Variants in HS6ST3 observed in about 807,000 individuals in gnomAD.
HS6ST3 encodes heparan sulfate 6-O-sulfotransferase 3, also known as heparan-sulfate 6-O-sulfotransferase 3.
A neutral mutation model predicts 36.7 loss-of-function variants in HS6ST3; 12 were observed. That is an observed-to-expected ratio of 0.33 (90% CI 0.21 to 0.53). The LOEUF (loss-of-function observed/expected upper bound fraction) is 0.53. Among genes scored for constraint, HS6ST3 ranks in the 20% least tolerant of loss-of-function variants. The pLI is 0.95. For missense variants in HS6ST3, 584 were observed against 640.9 expected, an observed-to-expected ratio of 0.91 and a Z score of 0.96; for synonymous variants, 240 against 257.5, an observed-to-expected ratio of 0.93 and a Z score of 0.65.
At chr13:96,101,227 A>G (rs1385186591) in intron 1 of HS6ST3, among the ~76,000 whole-genome samples, 2 of 152,176 alleles carry the variant, frequency 1.3e-5, no homozygotes, top group Non-Finnish European at 2.9e-5. Context: ...GTAGTTTGCA[A>G]AACTGGCTAT....
At chr13:96,385,197 A>G (rs1332758363) in intron 1 of HS6ST3, among the ~76,000 whole-genome samples, 1 of 149,582 alleles carries the variant, frequency 6.7e-6, no homozygotes, top group African/African-American at 2.4e-5. Flanking sequence ...AAAAAAAAAG[A>G]AAAGATTTTT....
intron 1 of HS6ST3, among the ~76,000 whole-genome samples, chr13:96,279,174 AATAGCCAAAGTTC>A (rs2139392665): frequency 6.6e-6 from 1 of 152,322 alleles, no homozygotes; most frequent in East Asian, 1.9e-4. Context: ...AGAAAGCTTG[AATAGCCAAAGTTC>A]ACACAGATGG....
rs1406758629 is a variant in HS6ST3, at chr13:96,395,979, A to G, written c.707+304410A>G. ...AGTTTGCCTGAGCCTCTGTTTCCTT[A>G]TCTGTAAAATGGGAAAAATGATACC... On this transcript the variant is annotated intron_variant, in intron 1 of 1. Coordinates refer to ENST00000376705, the MANE Select transcript of HS6ST3 (RefSeq NM_153456.4). Among the ~76,000 whole-genome samples, 3 of 152,256 alleles carry G rather than the reference A, an allele frequency of 2.0e-5. No individual in the cohort carries two copies. The East Asian group carries it at 5.8e-4, about 29-fold the overall frequency.
At chr13:96,278,748 A>G (rs1242972741) in intron 1 of HS6ST3, among the ~76,000 whole-genome samples, 2 of 152,196 alleles carry the variant, frequency 1.3e-5, no homozygotes, top group Admixed American at 6.6e-5. Context: ...AATAACTACA[A>G]TGATATAAGT....
intron 1 of HS6ST3, among the ~76,000 whole-genome samples, chr13:96,400,071 C>T (rs1385660696): frequency 1.3e-5 from 2 of 151,880 alleles, no homozygotes; most frequent in Non-Finnish European, 2.9e-5. Flanking sequence ...GAGGGAAGCT[C>T]AGGTCTTTCA....
At chr13:96,215,793 G>A (rs2054422968) in intron 1 of HS6ST3, among the ~76,000 whole-genome samples, 1 of 152,060 alleles carries the variant, frequency 6.6e-6, no homozygotes, top group African/African-American at 2.4e-5. Context: ...TGAGTTTGTG[G>A]TTCCTGGCTT....
At chr13:96,613,978 G>A (rs971533449) in intron 1 of HS6ST3, among the ~76,000 whole-genome samples, 6 of 152,110 alleles carry the variant, frequency 3.9e-5, no homozygotes, top group Non-Finnish European at 7.4e-5. Context: ...TTCACATTCT[G>A]TGAGACAGAC....
intron 1 of HS6ST3, among the ~76,000 whole-genome samples, chr13:96,505,820 T>C (rs558770236): frequency 1.3e-5 from 2 of 152,218 alleles, no homozygotes; most frequent in East Asian, 1.9e-4. Flanking sequence ...TGGTGGAAAA[T>C]GGTTCCATGC....
chr13:96,387,035 C>T (rs2055371917), intron 1 of HS6ST3, among the ~76,000 whole-genome samples: 9 of 152,160 alleles, frequency 5.9e-5, no homozygotes, highest in Admixed American at 5.2e-4. Context: ...CTCAGGTGAT[C>T]CTCGTGCTTC....
intron 1 of HS6ST3, among the ~76,000 whole-genome samples, chr13:96,575,166 C>G (rs931907039): frequency 2.6e-5 from 4 of 152,032 alleles, no homozygotes; most frequent in African/African-American, 9.7e-5. Flanking sequence ...CATTTTCATC[C>G]CACTCTTAGT....
chr13:96,094,948 G>C lies in HS6ST3; in HGVS notation c.707+3379G>C, dbSNP rs529408054. Among the ~76,000 whole-genome samples the C allele has an allele frequency of 1.5e-4, 22 of 151,700 alleles. No homozygotes were observed. The East Asian group carries it at 4.1e-3, about 28-fold the overall frequency. Reference sequence around the variant, plus strand: ...TATGCTTCCTTCTTTATTACTGTACGCCCCTTAATCTGCATGTCCAGAGCC... The same window carrying C: ...TATGCTTCCTTCTTTATTACTGTACCCCCCTTAATCTGCATGTCCAGAGCC... On this transcript the variant is annotated intron_variant, in intron 1 of 1. Transcript: ENST00000376705.
chr13:96,360,518 A>G (rs941317154), intron 1 of HS6ST3, among the ~76,000 whole-genome samples: 2 of 152,030 alleles, frequency 1.3e-5, no homozygotes, highest in East Asian at 3.9e-4. Flanking sequence ...TCAATCACCC[A>G]CTGTCAGAAA....
At chr13:96,367,743 T>C (rs970033182) in intron 1 of HS6ST3, among the ~76,000 whole-genome samples, 3 of 152,210 alleles carry the variant, frequency 2.0e-5, no homozygotes, top group Admixed American at 6.5e-5. Context: ...GTCAGTTACA[T>C]TGAAGCAACA....
intron 1 of HS6ST3, among the ~76,000 whole-genome samples, chr13:96,218,699 G>A (rs1045250417): frequency 4.6e-5 from 7 of 152,114 alleles, no homozygotes; most frequent in Admixed American, 2.0e-4. Context: ...TTTAGACAGC[G>A]TCAGAGCACT....
At chr13:96,207,227 G>A (rs540595309) in intron 1 of HS6ST3, among the ~76,000 whole-genome samples, 1 of 152,036 alleles carries the variant, frequency 6.6e-6, no homozygotes. Context: ...TGATCATTAG[G>A]GAAATGCAAA....
chr13:96,668,204 C>A (rs1170722503), intron 1 of HS6ST3, among the ~76,000 whole-genome samples: 1 of 151,880 alleles, frequency 6.6e-6, no homozygotes, highest in Non-Finnish European at 1.5e-5. Context: ...ACACACACAG[C>A]TGGTGAAGAG....
chr13:96,261,259 A>AATAT (rs371732169), intron 1 of HS6ST3, among the ~76,000 whole-genome samples: 5 of 149,684 alleles, frequency 3.3e-5, no homozygotes, highest in African/African-American at 1.2e-4. Flanking sequence ...TAAAGTCATG[A>AATAT]ATATATATAT....
chr13:96,612,410 T>C (rs2056459918), intron 1 of HS6ST3, among the ~76,000 whole-genome samples: 1 of 152,120 alleles, frequency 6.6e-6, no homozygotes, highest in Non-Finnish European at 1.5e-5. Flanking sequence ...GGCTGAGTAA[T>C]TGACCCCCTA....
intron 1 of HS6ST3, among the ~76,000 whole-genome samples, chr13:96,200,272 C>G (rs565827712): frequency 6.6e-6 from 1 of 152,190 alleles, no homozygotes; most frequent in Non-Finnish European, 1.5e-5. Flanking sequence ...CAATGGCTCT[C>G]GAGGCCCACA....
Sources: gnomAD v4.1 joint callset for allele counts (sites outside exome capture counted in the v4.1 genomes callset) on GRCh38, gnomAD v4.1.1 for gene constraint, MANE v1.5 for transcripts, NCBI Gene and HGNC (gene_info 2026-07-23, HGNC 2026-07-21) for gene names.